Variants in CTDP1 observed in about 807,000 individuals in gnomAD.
CTDP1 encodes the protein CTD phosphatase 1, also known as RNA polymerase II subunit A C-terminal domain phosphatase.
In CTDP1, 47 loss-of-function variants were observed where a neutral mutation model predicts 91.8. That is an observed-to-expected ratio of 0.51 (90% CI 0.41 to 0.65). CTDP1 has a LOEUF of 0.65. Ranked by LOEUF, CTDP1 falls within the 30% of genes least tolerant of loss-of-function variation. The pLI is 0.00. For missense variants in CTDP1, 1,272 were observed against 1,373.7 expected, an observed-to-expected ratio of 0.93 and a Z score of 1.17; for synonymous variants, 656 against 598.5, an observed-to-expected ratio of 1.10 and a Z score of -1.40.
At chr18:79,729,158 A>T (rs938306905) in intron 11 of CTDP1, 89 bp downstream of exon 11, 11 of 1,549,890 alleles carry the variant, frequency 7.1e-6, no homozygotes, top group Non-Finnish European at 9.7e-6. Context: ...TGAGCTGTGC[A>T]CCTGGAGGCC....
chr18:79,707,563 C>G (rs2085992798), intron 5 of CTDP1, among the ~76,000 whole-genome samples: 2 of 152,248 alleles, frequency 1.3e-5, no homozygotes, highest in Admixed American at 1.3e-4. Flanking sequence ...TTCCAGCATT[C>G]CAACGTGTCC....
At chr18:79,742,864 A>C (rs1303346174) in intron 12 of CTDP1, among the ~76,000 whole-genome samples, 1 of 152,228 alleles carries the variant, frequency 6.6e-6, no homozygotes, top group Non-Finnish European at 1.5e-5. Flanking sequence ...AGGCTGAGGC[A>C]CAAGAATCAC....
At chr18:79,737,470 C>T (rs766693300) in intron 12 of CTDP1, among the ~76,000 whole-genome samples, 68 of 152,152 alleles carry the variant, frequency 4.5e-4, no homozygotes, top group Admixed American at 9.8e-4. Flanking sequence ...ACGGTCCCAT[C>T]GCAGTTTCTG....
intron 8 of CTDP1, 24 bp from the exon 9 acceptor site, chr18:79,717,511 C>A (rs2086239074): frequency 2.5e-6 from 4 of 1,611,314 alleles, no homozygotes; most frequent in Non-Finnish European, 3.4e-6. Flanking sequence ...CCGGAACAGC[C>A]TGACGCAGCC....
rs2086180385 is a variant in CTDP1 at position 79,715,247 on chromosome 18, T to G, written c.1787T>G (p.Ile596Ser). 6.2e-7 allele frequency: 1 copy of G among 1,610,472 alleles called. No homozygotes were observed. The change falls in exon 8 of 13, where the codon ATC (isoleucine) becomes AGC (serine). Residue 596 changes from isoleucine (I) to serine (S), a missense_variant. By Grantham distance (142) the Ile-to-Ser change is moderately radical (BLOSUM62 -2). Around this residue, in one of 3 missense-constraint regions of CTDP1, gnomAD observed 881 missense variants for 911.6 expected, o/e 0.97. Transcript: ENST00000613122. ...GACCACCTCATCTACCTGGAGGAGA[T>G]CCTGGTCCGTGTACACACTGACTAC... ...EDDHLIYLEE[I>S]LVRVHTDYYA...
At position 79,680,261 on chromosome 18, in the gene CTDP1, G is replaced by A. The variant is rs1362406578; in HGVS notation, c.314G>A (p.Gly105Glu). 7.8e-7 allele frequency: 1 copy of A among 1,287,760 alleles called. No individual in the cohort carries two copies. The highest frequency in any genetic ancestry group is 2.5e-5 in the South Asian group (1 of 40,022). 79.8% of individuals were successfully genotyped at this position (1,287,760 alleles called of 1,614,324 possible). A position where few individuals can be genotyped will look rare whatever the true frequency, so the allele number is the denominator to read the frequency against. ...CAGCCGGGCCAGGTGGTCGCCCCAG[G>A]GTGAGTGTGCTGAGCCGGGCGGGGC... ...CAQPGQVVAP[G>E]AVLVRLEGCS... Residue 105 changes from glycine (G) to glutamate (E), a missense_variant and splice_region_variant, in exon 1 of 13, where the codon GGA becomes GAA. Physicochemically the swap from Gly to Glu is moderately conservative, Grantham distance 98. This residue lies in a region of CTDP1 where 214 missense variants were observed against 179.1 expected (regional missense o/e 1.19). Transcript: ENST00000613122.
At chr18:79,745,278 G>A (rs923756096) in intron 12 of CTDP1, among the ~76,000 whole-genome samples, 2 of 133,564 alleles carry the variant, frequency 1.5e-5, no homozygotes, top group South Asian at 2.4e-4. Context: ...CCTCCCGTGC[G>A]CGTTCTGTCC....
At chr18:79,751,535 C>T (rs1555686336) in intron 12 of CTDP1, among the ~76,000 whole-genome samples, 1 of 152,166 alleles carries the variant, frequency 6.6e-6, no homozygotes, top group Non-Finnish European at 1.5e-5. Context: ...ACGGGGTTCT[C>T]TTGTCTTCTG....
chr18:79,714,069 G>C (rs112885073), intron 7 of CTDP1, among the ~76,000 whole-genome samples: 1 of 152,066 alleles, frequency 6.6e-6, no homozygotes, highest in Non-Finnish European at 1.5e-5. Context: ...GGTGGCGCCA[G>C]GTCTGCAGGG....
chr18:79,707,477 G>C (rs1027403317), intron 5 of CTDP1, among the ~76,000 whole-genome samples: 1 of 152,270 alleles, frequency 6.6e-6, no homozygotes, highest in Non-Finnish European at 1.5e-5. Context: ...CCTGCAGTGA[G>C]ACCAGCTAGG....
rs522723 is a variant in CTDP1, at chr18:79,713,522, A to G, written c.1030+384A>G. On this transcript the variant is annotated intron_variant, in intron 7 of 12. Coordinates refer to ENST00000613122, the MANE Select transcript of CTDP1 (RefSeq NM_004715.5). This position sits in a 1 kb window ranked among gnomAD's most constrained non-coding sequence, Gnocchi z 4.7. ...GCTCTGCGGGGAATAACCGTTCCCC[A>G]TGCGCAGTGGTCAGGCTGGGCGCTG... Among the ~76,000 whole-genome samples the G allele has an allele frequency of 0.76, 115,827 of 152,208 alleles. 44,350 individuals carry two copies. The highest frequency in any genetic ancestry group is 0.79 in the Middle Eastern group (232 of 294).
chr18:79,681,301 C>A, intron 1 of CTDP1: 1 of 198,302 alleles, frequency 5.0e-6, no homozygotes, highest in Non-Finnish European at 9.1e-6. Flanking sequence ...CTGCCCCCTG[C>A]GTGCTGGTGG....
chr18:79,699,869 C>G (rs1200260156), intron 4 of CTDP1, among the ~76,000 whole-genome samples: 1 of 152,196 alleles, frequency 6.6e-6, no homozygotes, highest in African/African-American at 2.4e-5. Context: ...TTCCCGTGTA[C>G]TTCAGCCTCC....
chr18:79,735,256 C>T (rs990599285), intron 11 of CTDP1, among the ~76,000 whole-genome samples: 10 of 152,184 alleles, frequency 6.6e-5, no homozygotes, highest in African/African-American at 1.9e-4. Context: ...CGGTGAGTGC[C>T]CCTCAAGGCC....
In CTDP1 at chr18:79,698,052, G is replaced by A. The variant is rs1026052182; in HGVS notation, c.621+64G>A. On this transcript the variant is annotated intron_variant, in intron 4 of 12. Transcript: ENST00000613122. The stretch of plus-strand genomic sequence containing the variant: ...CCGCGGGTCCTAGAATTTTGATTCA[G>A]AAGTGTGTTCTCTTGTTTTTTAGAT... The A allele has an allele frequency of 6.3e-6, 10 of 1,598,790 alleles. No individual in the cohort carries two copies. The South Asian group carries it at 1.1e-4, about 18-fold the overall frequency.
downstream of CTDP1, chr18:79,756,202 T>G (rs1305428804): frequency 7.2e-5 from 11 of 152,498 alleles, no homozygotes; most frequent in African/African-American, 2.6e-4. Flanking sequence ...AATGGGACTT[T>G]TCTCCCGCCT....
chr18:79,686,795 C>G (rs190106425), intron 1 of CTDP1, among the ~76,000 whole-genome samples: 16 of 152,158 alleles, frequency 1.1e-4, no homozygotes, highest in Admixed American at 5.2e-4. Flanking sequence ...TGGGCCTGCA[C>G]CACAGCAGTT....
chr18:79,753,513 G>A (rs1002694955), intron 12 of CTDP1, 139 bp from the exon 13 acceptor site: 1 of 1,352,268 alleles, frequency 7.4e-7, no homozygotes, highest in Non-Finnish European at 1.0e-6. Flanking sequence ...TGGGTCGGTG[G>A]CCTGTGTGTG....
intron 1 of CTDP1, among the ~76,000 whole-genome samples, chr18:79,687,635 C>T (rs2085531234): frequency 6.6e-6 from 1 of 151,890 alleles, no homozygotes; most frequent in Non-Finnish European, 1.5e-5. Flanking sequence ...TGGGCCTGCA[C>T]CGCAGCAGTT....
Sources: gnomAD v4.1 joint callset for allele counts (sites outside exome capture counted in the v4.1 genomes callset) on GRCh38, gnomAD v4.1.1 for gene constraint, gnomAD v4.1.1 regional missense constraint, Gnocchi (gnomAD v3.1) non-coding constraint, MANE v1.5 for transcripts, NCBI Gene and HGNC (gene_info 2026-07-23, HGNC 2026-07-21) for gene names.